Variants in IL1B observed in about 807,000 individuals in gnomAD.
The protein encoded by IL1B is interleukin 1 beta.
In IL1B, 11 loss-of-function variants were observed where a neutral mutation model predicts 26.2. That is an observed-to-expected ratio of 0.42 (90% CI 0.26 to 0.70). The LOEUF (loss-of-function observed/expected upper bound fraction) is 0.70, where lower values mean the gene tolerates loss of function less well. IL1B is among the 30% of genes least tolerant of loss of function. The probability of loss-of-function intolerance (pLI) is 0.25; values close to 1 mark genes in which losing one functional copy is unlikely to be tolerated. For synonymous variants in IL1B, 118 were observed against 120.8 expected, an observed-to-expected ratio of 0.98 and a Z score of 0.15; for missense variants, 255 against 327.5, an observed-to-expected ratio of 0.78 and a Z score of 1.71.
At position 112,830,257 on chromosome 2, in the gene IL1B, A is replaced by G. The variant is rs964283071; in HGVS notation, c.*104T>C. 2 of 954,150 alleles carry G rather than the reference A, an allele frequency of 2.1e-6. No individual in the cohort carries two copies. The highest frequency in any genetic ancestry group is 3.4e-6 in the Non-Finnish European group (2 of 583,130). 59.1% of individuals were successfully genotyped at this position (954,150 alleles called of 1,614,324 possible). A position where few individuals can be genotyped will look rare whatever the true frequency, so the allele number is the denominator to read the frequency against. ...GTTGGGCATTGGTGTAGACAACAGG[A>G]AAGTCCAGGCTATAGCCGTACTCAA... On this transcript the variant is annotated 3_prime_UTR_variant, in exon 7 of 7. Coordinates refer to ENST00000263341, the MANE Select transcript of IL1B (RefSeq NM_000576.3).
At chr2:112,835,312 TG>T in intron 3 of IL1B, 1 of 552,030 alleles carries the variant, frequency 1.8e-6, no homozygotes, top group South Asian at 2.0e-5. Context: ...TACTATGAAA[TG>T]GGAAACATTA....
rs549623567 is a variant in IL1B at position 112,832,571 on chromosome 2, G to T, written c.466+91C>A. On this transcript the variant is annotated intron_variant, in intron 5 of 6. Coordinates refer to ENST00000263341, the MANE Select transcript of IL1B (RefSeq NM_000576.3). The stretch of plus-strand genomic sequence containing the variant: ...TTTTTTTCACTTGTGTTGATCATTT[G>T]CCTTAAATTAACTTTCTACTTTGTT... The T allele has an allele frequency of 1.0e-5, 14 of 1,335,946 alleles. No individual in the cohort carries two copies. The African/African-American group carries it at 2.0e-4, about 19-fold the overall frequency. 82.8% of individuals were successfully genotyped at this position (1,335,946 alleles called of 1,614,324 possible).
At position 112,831,337 on chromosome 2, in the gene IL1B, G is replaced by A; in HGVS notation, c.552C>T (p.Tyr184=). ...VALGLKEKNL[Y]LSCVLKDDKP... is the part of the protein sequence containing the mutation. ...TATCATCTTTCAACACGCAGGACAG[G>A]TACAGATTCTTTTCCTTGAGGCCCA... The change falls in exon 6 of 7, where the codon TAC becomes TAT. Residue 184 remains tyrosine (Y), a synonymous_variant. Coordinates refer to ENST00000263341, the MANE Select transcript of IL1B (RefSeq NM_000576.3). The A allele has an allele frequency of 6.2e-7, 1 of 1,613,992 alleles. No homozygotes were observed. Among genetic ancestry groups the A allele is most frequent in the Non-Finnish European group, 8.5e-7 (1 of 1,179,930 alleles).
Position 112,833,411 on chromosome 2 carries a change from A to G in IL1B, c.264T>C (p.Asn88=), listed in dbSNP as rs373172825. The G allele has an allele frequency of 1.9e-6, 3 of 1,614,068 alleles. No homozygotes were observed. The highest frequency in any genetic ancestry group is 2.7e-5 in the African/African-American group (2 of 74,920). Residue 88 remains asparagine (N), a synonymous_variant, in exon 4 of 7, where the codon AAT becomes AAC. Coordinates refer to ENST00000263341, the MANE Select transcript of IL1B (RefSeq NM_000576.3). The part of the protein sequence containing the change: ...LVPCPQTFQE[N]DLSTFFPFIF... ...TGAAGGGAAAGAAGGTGCTCAGGTC[A>G]TTCTCCTGGAAGGTCTGTGGGCAGG...
Position 112,833,594 on chromosome 2 carries a change from A to G in IL1B, c.100-19T>C. On this transcript the variant is annotated intron_variant, in intron 3 of 6. Coordinates refer to ENST00000263341, the MANE Select transcript of IL1B (RefSeq NM_000576.3). ...AGGAGCACTGCGGAGAGAGCGAGGG[A>G]GGGAGCCTGGTGAGGTGGTCCTGCC... is the stretch of plus-strand genomic sequence containing the variant. The G allele has an allele frequency of 1.9e-6, 3 of 1,612,082 alleles. No individual in the cohort carries two copies. The East Asian group carries it at 6.7e-5, about 36-fold the overall frequency.
chr2:112,833,182 ATCAAG>A lies in IL1B; in HGVS notation c.301+187_301+191del, dbSNP rs1322050680. 7 of 659,032 alleles carry A rather than the reference ATCAAG, an allele frequency of 1.1e-5. No individual in the cohort carries two copies. In the East Asian group the frequency reaches 1.9e-4, roughly 18 times the overall value. 40.8% of individuals were successfully genotyped at this position (659,032 alleles called of 1,614,324 possible). ...GAGGGAGTTGCAAATGTCAGTAGCCATCAAGATCTTCTTTAAGAATAGTTTCCACT... is the reference window on the plus strand; with the variant it reads ...GAGGGAGTTGCAAATGTCAGTAGCCAATCTTCTTTAAGAATAGTTTCCACT... On this transcript the variant is annotated intron_variant, in intron 4 of 6. Transcript: ENST00000263341.
chr2:112,833,596 G>GGAGC, intron 3 of IL1B, 21 bp from the exon 4 acceptor site: 1 of 1,610,790 alleles, frequency 6.2e-7, no homozygotes, highest in Non-Finnish European at 8.5e-7. Flanking sequence ...AGCGAGGGAG[G>GGAGC]GAGCCTGGTG....
At chr2:112,835,327 C>G in intron 3 of IL1B, 1 of 579,742 alleles carries the variant, frequency 1.7e-6, no homozygotes, top group Non-Finnish European at 3.1e-6. Flanking sequence ...AACATTATCA[C>G]TACTCCTCCC....
At chr2:112,830,628 G>A in intron 6 of IL1B, 55 bp from the exon 7 acceptor site, 2 of 1,251,706 alleles carry the variant, frequency 1.6e-6, no homozygotes, top group Non-Finnish European at 2.3e-6. Flanking sequence ...AGATGCTATG[G>A]GAAAGATGTT....
rs761403727 is a variant in IL1B at position 112,830,517 on chromosome 2, G to T, written c.654C>A (p.Asn218Lys). 2 of 1,614,024 alleles carry T rather than the reference G, an allele frequency of 1.2e-6. No homozygotes were observed. The highest frequency in any genetic ancestry group is 1.1e-5 in the South Asian group (1 of 91,076). The change falls in exon 7 of 7, where the codon AAC becomes AAA. Residue 218 changes from asparagine to lysine, a missense_variant. Coordinates refer to ENST00000263341, the MANE Select transcript of IL1B (RefSeq NM_000576.3). ...KKKMEKRFVFNKIEINNKLEF... is the reference protein window; with the variant it reads ...KKKMEKRFVFKKIEINNKLEF... ...CCAGCTTGTTATTGATTTCTATCTT[G>T]TTGAAGACAAATCGCTTTTCCATCT...
chr2:112,835,539 G>T, intron 3 of IL1B, 27 bp downstream of exon 3: 2 of 1,593,022 alleles, frequency 1.3e-6, no homozygotes, highest in Non-Finnish European at 1.7e-6. Context: ...CCCTTCCTTG[G>T]GTTGGGAGTT....
At chr2:112,834,115 T>C (rs1250107510) in intron 3 of IL1B, among the ~76,000 whole-genome samples, 1 of 152,222 alleles carries the variant, frequency 6.6e-6, no homozygotes, top group East Asian at 1.9e-4. Flanking sequence ...AGAGGCAGAC[T>C]CAAGACTAGA....
Position 112,835,466 on chromosome 2 carries a change from A to G in IL1B, c.99+100T>C, listed in dbSNP as rs558939049. ...TGGAAGAGGTTAAAGTCTTTCTAAAACAAAATACCATGGCATCAAAGTGGC... is the reference window on the plus strand; with the variant it reads ...TGGAAGAGGTTAAAGTCTTTCTAAAGCAAAATACCATGGCATCAAAGTGGC... On this transcript the variant is annotated intron_variant, in intron 3 of 6. Coordinates refer to ENST00000263341, the MANE Select transcript of IL1B (RefSeq NM_000576.3). 15 of 974,190 alleles carry G rather than the reference A, an allele frequency of 1.5e-5. No homozygotes were observed. In the South Asian group the frequency reaches 1.8e-4, roughly 12 times the overall value. 60.3% of individuals were successfully genotyped at this position (974,190 alleles called of 1,614,324 possible).
chr2:112,831,757 G>A lies in IL1B; in HGVS notation c.467-335C>T, dbSNP rs140209162. ...TGGCAATGTGCCCATCCACAGGAGC[G>A]GAACAACTTGATCAATGTGGAAGGA... On this transcript the variant is annotated intron_variant, in intron 5 of 6. Transcript: ENST00000263341. Among the ~76,000 whole-genome samples, 221 of 152,290 alleles carry A rather than the reference G, an allele frequency of 1.5e-3. 2 individuals are homozygous for A. Among genetic ancestry groups the A allele is most frequent in the African/African-American group, 5.1e-3 (210 of 41,550 alleles).
At chr2:112,834,078 T>G (rs1143630) in intron 3 of IL1B, among the ~76,000 whole-genome samples, 133,063 of 152,192 alleles carry the variant, frequency 0.87, 58,708 homozygotes, top group Non-Finnish European at 0.94. Flanking sequence ...GGAGGTTAAG[T>G]GTGTACTCAA....
chr2:112,832,755 T>C lies in IL1B; in HGVS notation c.373A>G (p.Thr125Ala), dbSNP rs1682010719. The change falls in exon 5 of 7, where the codon ACG (threonine) becomes GCG (alanine). Residue 125 changes from threonine (T) to alanine (A), a missense_variant. Coordinates refer to ENST00000263341, the MANE Select transcript of IL1B (RefSeq NM_000576.3). ...CTTTTTTGCTGTGAGTCCCGGAGCG[T>C]GCAGTTCAGTGATCGTACAGGTGCA... Reference protein sequence around the residue: ...HDAPVRSLNCTLRDSQQKSLV... With the variant: ...HDAPVRSLNCALRDSQQKSLV... 6.2e-7 allele frequency: 1 copy of C among 1,614,018 alleles called. No individual in the cohort carries two copies. The highest frequency in any genetic ancestry group is 8.5e-7 in the Non-Finnish European group (1 of 1,180,010).
intron 6 of IL1B, 150 bp from the exon 7 acceptor site, chr2:112,830,723 T>C: frequency 1.6e-6 from 1 of 645,040 alleles, no homozygotes; most frequent in East Asian, 2.7e-5. Context: ...CCCCCAACTT[T>C]CCGTGTGATT....
chr2:112,836,244 C>G lies in IL1B; in HGVS notation c.-15G>C, dbSNP rs1461381976. 5.0e-6 allele frequency: 8 copies of G among 1,612,792 alleles called. No individual in the cohort carries two copies. Among genetic ancestry groups the G allele is most frequent in the Non-Finnish European group, 5.1e-6 (6 of 1,179,004 alleles). On this transcript the variant is annotated splice_region_variant and 5_prime_UTR_variant, in exon 2 of 7. Transcript: ENST00000263341. ...ACTTCTGCCATGGCTGCTTCAGACA[C>G]CTGTGTAAAAAGGAGAAAATGAGTG...
intron 3 of IL1B, among the ~76,000 whole-genome samples, chr2:112,834,008 A>G (rs1006469064): frequency 6.6e-6 from 1 of 151,972 alleles, no homozygotes. Context: ...ACAAAACAAA[A>G]CAAAACAAAA....
Sources: gnomAD v4.1 joint callset for allele counts (sites outside exome capture counted in the v4.1 genomes callset) on GRCh38, gnomAD v4.1.1 for gene constraint, MANE v1.5 for transcripts, NCBI Gene and HGNC (gene_info 2026-07-23, HGNC 2026-07-21) for gene names.